GPC5: variants seen among roughly 807,000 people sequenced by gnomAD.
GPC5 encodes glypican-5.
In GPC5, 47 loss-of-function variants were observed where a neutral mutation model predicts 53.9. That is an observed-to-expected ratio of 0.87 (90% CI 0.69 to 1.11). The LOEUF (loss-of-function observed/expected upper bound fraction) is 1.11. Ranked by LOEUF, GPC5 falls within the 50% of genes most tolerant of loss-of-function variation. The pLI is 0.00. For missense variants in GPC5, 748 were observed against 713.1 expected, an observed-to-expected ratio of 1.05 and a Z score of -0.56; for synonymous variants, 286 against 263.3, an observed-to-expected ratio of 1.09 and a Z score of -0.84.
intron 3 of GPC5, among the ~76,000 whole-genome samples, chr13:91,705,540 C>A (rs1045776959): frequency 1.3e-5 from 2 of 152,068 alleles, no homozygotes; most frequent in Non-Finnish European, 2.9e-5. Context: ...TAGAGATGAT[C>A]CAAACTCATT....
chr13:92,015,184 G>A (rs1451800374), intron 6 of GPC5, among the ~76,000 whole-genome samples: 2 of 152,112 alleles, frequency 1.3e-5, no homozygotes, highest in African/African-American at 2.4e-5. Context: ...AGAGGCCAAG[G>A]ATATGTTAAA....
intron 7 of GPC5, among the ~76,000 whole-genome samples, chr13:92,433,861 T>C (rs1594199084): frequency 6.6e-6 from 1 of 152,058 alleles, no homozygotes; most frequent in East Asian, 1.9e-4. Flanking sequence ...GAAGATAAGA[T>C]GTTCCTCCAA....
chr13:92,599,156 A>G (rs915920859), intron 7 of GPC5, among the ~76,000 whole-genome samples: 6 of 152,184 alleles, frequency 3.9e-5, no homozygotes, highest in Non-Finnish European at 7.3e-5. Context: ...TAAATGTTTG[A>G]TACAACAGAC....
chr13:92,200,285 A>G (rs2042285146), intron 7 of GPC5, among the ~76,000 whole-genome samples: 1 of 152,198 alleles, frequency 6.6e-6, no homozygotes, highest in Non-Finnish European at 1.5e-5. Flanking sequence ...TATGAACGCT[A>G]TTGTGCTCTT....
chr13:92,752,619 T>A (rs1490409672), intron 7 of GPC5, among the ~76,000 whole-genome samples: 1 of 151,906 alleles, frequency 6.6e-6, no homozygotes, highest in Non-Finnish European at 1.5e-5. Context: ...TGGGCGCAGG[T>A]CAGTGGGTGC....
At chr13:92,534,208 G>C (rs1042972472) in intron 7 of GPC5, among the ~76,000 whole-genome samples, 1 of 152,114 alleles carries the variant, frequency 6.6e-6, no homozygotes, top group Non-Finnish European at 1.5e-5. Flanking sequence ...GGTCGCTTGA[G>C]CCTGGGAGGA....
chr13:92,603,831 C>A (rs1884163257), intron 7 of GPC5, among the ~76,000 whole-genome samples: 1 of 152,268 alleles, frequency 6.6e-6, no homozygotes, highest in African/African-American at 2.4e-5. Context: ...TTCTCCATAG[C>A]CAAAACTACA....
chr13:92,119,888 A>G (rs1286281638), intron 6 of GPC5, among the ~76,000 whole-genome samples: 1 of 152,126 alleles, frequency 6.6e-6, no homozygotes, highest in Non-Finnish European at 1.5e-5. Flanking sequence ...AGAGCGCTCA[A>G]TAGAAAGAAT....
intron 7 of GPC5, among the ~76,000 whole-genome samples, chr13:92,176,367 A>T (rs890814219): frequency 6.6e-6 from 1 of 152,102 alleles, no homozygotes; most frequent in Non-Finnish European, 1.5e-5. Flanking sequence ...TCATCTCTCC[A>T]GGCACTGAGA....
chr13:92,663,769 CTA>C (rs529018371), intron 7 of GPC5, among the ~76,000 whole-genome samples: 2 of 135,368 alleles, frequency 1.5e-5, no homozygotes, highest in African/African-American at 5.5e-5. Context: ...TATATATACA[CTA>C]TATATACACA....
intron 7 of GPC5, among the ~76,000 whole-genome samples, chr13:92,206,055 A>G (rs2042332638): frequency 6.6e-6 from 1 of 151,482 alleles, no homozygotes; most frequent in Non-Finnish European, 1.5e-5. Context: ...AAAAAAAAAA[A>G]AAAAAAAACC....
intron 6 of GPC5, among the ~76,000 whole-genome samples, chr13:92,129,129 C>T (rs928418932): frequency 6.6e-6 from 1 of 152,120 alleles, no homozygotes; most frequent in Non-Finnish European, 1.5e-5. Context: ...GGCCTAAGCT[C>T]AATACCCCTG....
chr13:92,758,337 TG>T (rs1874996843), intron 7 of GPC5, among the ~76,000 whole-genome samples: 1 of 94,678 alleles, frequency 1.1e-5, no homozygotes, highest in Non-Finnish European at 2.1e-5. Flanking sequence ...TGTTGTGGGG[TG>T]GGGGGAGGGA....
intron 6 of GPC5, among the ~76,000 whole-genome samples, chr13:92,032,762 C>A (rs1329113135): frequency 6.6e-6 from 1 of 152,172 alleles, no homozygotes; most frequent in Non-Finnish European, 1.5e-5. Context: ...ACGCTAAAGT[C>A]CTTAACATGG....
chr13:92,777,481 A>G (rs1462231629), intron 7 of GPC5, among the ~76,000 whole-genome samples: 2 of 151,862 alleles, frequency 1.3e-5, no homozygotes, highest in African/African-American at 4.8e-5. Context: ...AAAAATACAA[A>G]AATTAGCTGG....
intron 7 of GPC5, among the ~76,000 whole-genome samples, chr13:92,675,098 A>G (rs953591879): frequency 3.3e-5 from 5 of 152,270 alleles, no homozygotes; most frequent in African/African-American, 1.2e-4. Context: ...ATACTAGTAC[A>G]AAATATTGAT....
At chr13:91,730,674 C>T (rs2036677334) in intron 4 of GPC5, among the ~76,000 whole-genome samples, 2 of 152,190 alleles carry the variant, frequency 1.3e-5, no homozygotes, top group African/African-American at 2.4e-5. Flanking sequence ...ATCAGAGCAC[C>T]TTGCAAATGA....
chr13:92,424,001 A>G (rs1275547048), intron 7 of GPC5, among the ~76,000 whole-genome samples: 2 of 137,190 alleles, frequency 1.5e-5, no homozygotes, highest in Admixed American at 7.5e-5. Context: ...TTATTGTGTA[A>G]TGAGTAAAAA....
intron 7 of GPC5, among the ~76,000 whole-genome samples, chr13:92,326,317 C>T (rs2043250551): frequency 6.6e-6 from 1 of 151,946 alleles, no homozygotes; most frequent in Non-Finnish European, 1.5e-5. Flanking sequence ...TTTCCTTCTC[C>T]TCTCCCACTA....
Sources: allele counts gnomAD v4.1 joint callset (sites outside exome capture counted in the v4.1 genomes callset), GRCh38; gene constraint gnomAD v4.1.1; transcripts MANE v1.5; gene names NCBI Gene and HGNC (gene_info 2026-07-23, HGNC 2026-07-21).